Variants in PDE4D observed in about 807,000 individuals in gnomAD.
PDE4D encodes the protein phosphodiesterase 4D, also known as 3',5'-cyclic-AMP phosphodiesterase 4D.
A neutral mutation model predicts 87.4 loss-of-function variants in PDE4D; 24 were observed. That is an observed-to-expected ratio of 0.27 (90% CI 0.20 to 0.39). PDE4D has a LOEUF of 0.39. Ranked by LOEUF, PDE4D falls within the 10% of genes least tolerant of loss-of-function variation. The pLI, the probability that PDE4D is intolerant of heterozygous loss-of-function variation, is 1.00. For synonymous variants in PDE4D, 384 were observed against 383.2 expected (o/e 1.00, Z -0.02); for missense variants, 714 against 1,041.0 (o/e 0.69, Z 4.32).
chr5:59,789,834 A>C (rs1765589023), intron 1 of PDE4D, among the ~76,000 whole-genome samples: 1 of 152,206 alleles, frequency 6.6e-6, no homozygotes, highest in South Asian at 2.1e-4. Flanking sequence ...ATTCGATTTC[A>C]TCCAGAACCA....
chr5:60,084,968 C>T (rs1006552374), intron 2 of PDE4D, among the ~76,000 whole-genome samples: 1 of 152,108 alleles, frequency 6.6e-6, no homozygotes, highest in Non-Finnish European at 1.5e-5. Context: ...GATTGTTCAG[C>T]GTCCATGCCT....
At chr5:59,711,984 T>C (rs866511229) in intron 1 of PDE4D, among the ~76,000 whole-genome samples, 1 of 152,138 alleles carries the variant, frequency 6.6e-6, no homozygotes, top group Admixed American at 6.6e-5. Flanking sequence ...CTTTGCCAAT[T>C]ACATTATAAA....
At chr5:60,063,102 GAAAGAAAGAAAGAAAGA>G (rs1771626149) in intron 2 of PDE4D, among the ~76,000 whole-genome samples, 21 of 62,118 alleles carry the variant, frequency 3.4e-4, no homozygotes, top group Non-Finnish European at 4.7e-4. Context: ...AAAGAAGAAA[GAAAGAAAGAAAGAAAGA>G]AAGAAAGAAA....
chr5:59,311,481 CAG>C (rs1772589917), intron 1 of PDE4D, among the ~76,000 whole-genome samples: 1 of 102,954 alleles, frequency 9.7e-6, no homozygotes, highest in Admixed American at 1.6e-4. Context: ...AGCTGAGCAA[CAG>C]AGAGAGACTC....
At chr5:59,539,783 T>C (rs1053681246) in intron 1 of PDE4D, among the ~76,000 whole-genome samples, 3 of 152,116 alleles carry the variant, frequency 2.0e-5, no homozygotes, top group Middle Eastern at 3.2e-3. Flanking sequence ...GTCTACCCCA[T>C]ATTTTCTAAA....
chr5:59,501,861 T>C lies in PDE4D; in HGVS notation c.456-285893A>G, dbSNP rs547604359. Among the ~76,000 whole-genome samples, 408 of 152,188 alleles carry C rather than the reference T, an allele frequency of 2.7e-3. 5 individuals are homozygous for C. Among genetic ancestry groups the C allele is most frequent in the Non-Finnish European group, 2.3e-3 (154 of 67,978 alleles). ...TAATTGGAATGTCAAGTGGAATAGATAGTAGAATGTCTAAATTTAATGGGT... is the reference window on the plus strand; with the variant it reads ...TAATTGGAATGTCAAGTGGAATAGACAGTAGAATGTCTAAATTTAATGGGT... On this transcript the variant is annotated intron_variant, in intron 1 of 14. Transcript: ENST00000340635.
chr5:59,658,668 G>A (rs564965923), intron 1 of PDE4D, among the ~76,000 whole-genome samples: 16 of 152,298 alleles, frequency 1.1e-4, no homozygotes, highest in African/African-American at 3.1e-4. Context: ...GGCGTGGAAA[G>A]CCAGATTTTA....
At chr5:59,681,447 A>G (rs1322966496) in intron 1 of PDE4D, among the ~76,000 whole-genome samples, 2 of 152,142 alleles carry the variant, frequency 1.3e-5, no homozygotes, top group African/African-American at 4.8e-5. Flanking sequence ...GCAAACCACT[A>G]TGGTTTGAAT....
In PDE4D at chr5:59,543,081, G is replaced by A. The variant is rs1246146258; in HGVS notation, c.456-327113C>T. On this transcript the variant is annotated intron_variant, in intron 1 of 14. Transcript: ENST00000340635. The stretch of plus-strand genomic sequence containing the variant: ...GAATCAGATCATGTTTGACTGAGGA[G>A]TGACAGGGAAGTTTTCTTCAATTAA... Among the ~76,000 whole-genome samples, 4 of 152,272 alleles carry A rather than the reference G, an allele frequency of 2.6e-5. No individual in the cohort carries two copies. The East Asian group carries it at 5.8e-4, about 22-fold the overall frequency.
chr5:60,518,909 G>A (rs1379793229), intron 1 of PDE4D, among the ~76,000 whole-genome samples: 1 of 152,136 alleles, frequency 6.6e-6, no homozygotes, highest in Non-Finnish European at 1.5e-5. Flanking sequence ...GTATTTTGCA[G>A]ACCAACAAAT....
At chr5:59,278,407 T>C (rs1281452221) in intron 1 of PDE4D, among the ~76,000 whole-genome samples, 3 of 152,062 alleles carry the variant, frequency 2.0e-5, no homozygotes. Flanking sequence ...GAAGCTGCGA[T>C]TATTTCTCAG....
chr5:59,725,490 AAGG>A (rs1173176010), intron 1 of PDE4D, among the ~76,000 whole-genome samples: 28 of 152,224 alleles, frequency 1.8e-4, no homozygotes, highest in African/African-American at 6.5e-4. Context: ...GGACTTTCTG[AAGG>A]AGTATATTCA....
rs74852786 is a variant in PDE4D at position 59,462,761 on chromosome 5, A to G, written c.456-246793T>C. On this transcript the variant is annotated intron_variant, in intron 1 of 14. Transcript: ENST00000340635. ...AAACCCTTCAATGATGTAATATTTA[A>G]CAGTAGAATGAACTGTGTCTTTCAT... 5.4e-3 allele frequency among the ~76,000 whole-genome samples: 816 copies of G among 152,312 alleles called. 7 individuals are homozygous for G. The highest frequency in any genetic ancestry group is 0.018 in the African/African-American group (744 of 41,578).
At chr5:60,313,123 G>C (rs13154429) in intron 1 of PDE4D, among the ~76,000 whole-genome samples, 12,397 of 151,706 alleles carry the variant, frequency 0.082, 651 homozygotes, top group South Asian at 0.2. Flanking sequence ...AAAATTGAAA[G>C]ATCAATGAAT....
intron 1 of PDE4D, among the ~76,000 whole-genome samples, chr5:60,280,305 T>TAAAC (rs1344097176): frequency 2.1e-5 from 3 of 142,274 alleles, no homozygotes; most frequent in Non-Finnish European, 4.6e-5. Flanking sequence ...TATTCCTCTA[T>TAAAC]ATACATACAT....
chr5:59,694,568 G>C (rs1219161902), intron 1 of PDE4D, among the ~76,000 whole-genome samples: 3 of 152,186 alleles, frequency 2.0e-5, no homozygotes, highest in Non-Finnish European at 4.4e-5. Flanking sequence ...TTCAGCTGTT[G>C]TGTGGGATTA....
intron 2 of PDE4D, among the ~76,000 whole-genome samples, chr5:60,150,462 G>T (rs925719355): frequency 2.6e-5 from 4 of 152,104 alleles, no homozygotes; most frequent in Admixed American, 2.6e-4. Context: ...ATTATTAAAT[G>T]CACTGTTTAG....
intron 2 of PDE4D, among the ~76,000 whole-genome samples, chr5:60,033,209 C>T (rs575027385): frequency 1.3e-5 from 2 of 152,162 alleles, no homozygotes; most frequent in South Asian, 2.1e-4. Context: ...CCTTGAGAAA[C>T]GAGTGACATT....
intron 5 of PDE4D, among the ~76,000 whole-genome samples, chr5:59,124,980 C>A (rs1489566310): frequency 6.7e-6 from 1 of 148,576 alleles, no homozygotes; most frequent in Non-Finnish European, 1.5e-5. Flanking sequence ...CTTTTCTTTT[C>A]TTTTCTTTTT....
Sources: gnomAD v4.1 joint callset for allele counts (sites outside exome capture counted in the v4.1 genomes callset) on GRCh38, gnomAD v4.1.1 for gene constraint, MANE v1.5 for transcripts, NCBI Gene and HGNC (gene_info 2026-07-23, HGNC 2026-07-21) for gene names.